ZNF276: variants seen among roughly 807,000 people sequenced by gnomAD.
ZNF276 encodes the protein centromere protein Z.
A neutral mutation model predicts 63.9 loss-of-function variants in ZNF276; 59 were observed. The observed-to-expected ratio is 0.92, with a 90% CI of 0.75 to 1.15. The LOEUF is 1.15. ZNF276 is among the 50% of genes most tolerant of loss of function. ZNF276 has a pLI of 0.00. For synonymous variants in ZNF276, 496 were observed against 348.4 expected (o/e 1.42, Z -4.72); for missense variants, 1,084 against 843.8 (o/e 1.28, Z -3.53).
Position 89,740,107 on chromosome 16 carries a change from C to T in ZNF276, c.*1861C>T, listed in dbSNP as rs1272324196. Reference sequence around the variant, plus strand: ...TGGCAGGTCTGTGGTGCTCTGTAAACCGCAGGAGACCAACCCTGAGAATGG... The same window carrying T: ...TGGCAGGTCTGTGGTGCTCTGTAAATCGCAGGAGACCAACCCTGAGAATGG... On this transcript the variant is annotated 3_prime_UTR_variant, in exon 11 of 11. Transcript: ENST00000443381. 1 of 1,612,832 alleles carries T rather than the reference C, an allele frequency of 6.2e-7. No homozygotes were observed. The highest frequency in any genetic ancestry group is 1.7e-5 in the Admixed American group (1 of 60,030).
upstream of ZNF276, chr16:89,720,644 C>A (rs1023615610): frequency 2.6e-4 from 324 of 1,230,186 alleles, 1 homozygote; most frequent in Admixed American, 1.1e-3. Flanking sequence ...GCCCGGGATC[C>A]CGGCTGGCGC....
chr16:89,723,306 G>C lies in ZNF276; in HGVS notation c.603G>C (p.Gly201=), dbSNP rs2061366449. Residue 201 remains glycine (G), a synonymous_variant, in exon 4 of 11, where the codon GGG becomes GGC. Transcript: ENST00000443381. ...CCCAGTGCCTGCACGGCTTGGTGGGGTGGGTGCATGGACATGCGGCCAGCT... is the reference window on the plus strand; with the variant it reads ...CCCAGTGCCTGCACGGCTTGGTGGGCTGGGTGCATGGACATGCGGCCAGCT... ...SSPQCLHGLV[G]WVHGHAASCG... 1 of 1,613,056 alleles carries C rather than the reference G, an allele frequency of 6.2e-7. No individual in the cohort carries two copies. Among genetic ancestry groups the C allele is most frequent in the Non-Finnish European group, 8.5e-7 (1 of 1,180,010 alleles).
At position 89,739,205 on chromosome 16, in the gene ZNF276, G is replaced by A. The variant is rs961489297; in HGVS notation, c.*959G>A. The A allele has an allele frequency of 5.0e-6, 8 of 1,614,036 alleles. No homozygotes were observed. The highest frequency in any genetic ancestry group is 6.8e-6 in the Non-Finnish European group (8 of 1,180,052). Reference sequence around the variant, plus strand: ...TTGTATCCCCAGCCACGAAGAGCTGGACCAGCTTCAAGTACATGTCCACAG... The same window carrying A: ...TTGTATCCCCAGCCACGAAGAGCTGAACCAGCTTCAAGTACATGTCCACAG... On this transcript the variant is annotated 3_prime_UTR_variant, in exon 11 of 11. Transcript: ENST00000443381.
intron 9 of ZNF276, among the ~76,000 whole-genome samples, chr16:89,736,571 C>G (rs1240593379): frequency 3.8e-5 from 2 of 52,202 alleles, no homozygotes; most frequent in Non-Finnish European, 6.0e-5. Flanking sequence ...CATGATCCGC[C>G]TGCCTTGGCC....
At chr16:89,734,691 C>T (rs1466235157) in intron 9 of ZNF276, among the ~76,000 whole-genome samples, 1 of 152,134 alleles carries the variant, frequency 6.6e-6, no homozygotes, top group African/African-American at 2.4e-5. Flanking sequence ...CCCACGTGGA[C>T]AGGCGGGAGG....
At chr16:89,736,878 C>G (rs2003522) in intron 9 of ZNF276, among the ~76,000 whole-genome samples, 61,233 of 149,480 alleles carry the variant, frequency 0.41, 13,872 homozygotes, top group East Asian at 0.75. Context: ...GCACTCCAGC[C>G]TGGGCAACAG....
intron 6 of ZNF276, among the ~76,000 whole-genome samples, chr16:89,730,845 T>C (rs1048961950): frequency 1.3e-5 from 2 of 152,220 alleles, no homozygotes; most frequent in Non-Finnish European, 2.9e-5. Flanking sequence ...CTTGGAGTTC[T>C]AGCGGGCGTG....
At position 89,739,743 on chromosome 16, in the gene ZNF276, T is replaced by G; in HGVS notation, c.*1497T>G. ...GGGAGAGGATGGGGGGGTCGACCTC[T>G]TGCAGGAGGGTGGGTGTGGTGCAGA... On this transcript the variant is annotated 3_prime_UTR_variant, in exon 11 of 11. Transcript: ENST00000443381. 6.7e-7 allele frequency: 1 copy of G among 1,490,758 alleles called. No homozygotes were observed. The highest frequency in any genetic ancestry group is 1.3e-5 in the South Asian group (1 of 75,506). 92.3% of individuals were successfully genotyped at this position (1,490,758 alleles called of 1,614,324 possible).
At position 89,729,299 on chromosome 16, in the gene ZNF276, G is replaced by C; in HGVS notation, c.1150G>C (p.Glu384Gln). ...TGCCCAGTCTTCGGACGAGTCCTTT[G>C]AGCCTTACCCAGAAAGGAAGTAAGT... ...QNAQSSDESF[E>Q]PYPERKVSGK... Residue 384 changes from glutamate (E) to glutamine (Q), a missense_variant, in exon 6 of 11, where the codon GAG becomes CAG. Physicochemically the swap from Glu to Gln is conservative, Grantham distance 29. Coordinates refer to ENST00000443381, the MANE Select transcript of ZNF276 (RefSeq NM_001113525.2). 2 of 1,614,112 alleles carry C rather than the reference G, an allele frequency of 1.2e-6. No homozygotes were observed. The highest frequency in any genetic ancestry group is 1.7e-5 in the Admixed American group (1 of 60,014).
chr16:89,739,195 C>T lies in ZNF276; in HGVS notation c.*949C>T, dbSNP rs201225325. 38 of 1,614,054 alleles carry T rather than the reference C, an allele frequency of 2.4e-5. No individual in the cohort carries two copies. Among genetic ancestry groups the T allele is most frequent in the African/African-American group, 5.3e-5 (4 of 74,948 alleles). Reference sequence around the variant, plus strand: ...GAAACTGTGCTTGTATCCCCAGCCACGAAGAGCTGGACCAGCTTCAAGTAC... The same window carrying T: ...GAAACTGTGCTTGTATCCCCAGCCATGAAGAGCTGGACCAGCTTCAAGTAC... On this transcript the variant is annotated 3_prime_UTR_variant, in exon 11 of 11. Coordinates refer to ENST00000443381, the MANE Select transcript of ZNF276 (RefSeq NM_001113525.2).
At chr16:89,729,849 G>T (rs1019437258) in intron 6 of ZNF276, among the ~76,000 whole-genome samples, 2 of 152,130 alleles carry the variant, frequency 1.3e-5, no homozygotes, top group Admixed American at 1.3e-4. Flanking sequence ...TTTGTTTTTA[G>T]GGATTTTTAT....
At chr16:89,731,174 G>A (rs1169510495) in intron 6 of ZNF276, among the ~76,000 whole-genome samples, 1 of 152,246 alleles carries the variant, frequency 6.6e-6, no homozygotes, top group Non-Finnish European at 1.5e-5. Context: ...AGGGGGACAT[G>A]TGGCTAGGTC....
In ZNF276 at chr16:89,738,626, A is replaced by G. The variant is rs1223154937; in HGVS notation, c.*380A>G. 4 of 1,613,720 alleles carry G rather than the reference A, an allele frequency of 2.5e-6. No individual in the cohort carries two copies. The South Asian group carries it at 4.4e-5, about 18-fold the overall frequency. ...TCAGAAGAGATGAGGCTCCTGGGAC[A>G]GGTCAGCGTCAGGGGCAGCCTGCTG... On this transcript the variant is annotated 3_prime_UTR_variant, in exon 11 of 11. Coordinates refer to ENST00000443381, the MANE Select transcript of ZNF276 (RefSeq NM_001113525.2).
Position 89,724,954 on chromosome 16 carries a change from A to G in ZNF276, c.1006+1245A>G, listed in dbSNP as rs78630177. Among the ~76,000 whole-genome samples the G allele has an allele frequency of 1.1e-3, 174 of 151,960 alleles. 1 individual carries two copies. In the East Asian group the frequency reaches 0.024, roughly 21 times the overall value. The stretch of plus-strand genomic sequence containing the variant: ...TACTTATCTATCTATCTATGTGTTT[A>G]TTTATTTTTGAGACAGAGTCTCGTT... On this transcript the variant is annotated intron_variant, in intron 4 of 10. Coordinates refer to ENST00000443381, the MANE Select transcript of ZNF276 (RefSeq NM_001113525.2).
At chr16:89,729,638 C>T (rs1384290129) in intron 6 of ZNF276, among the ~76,000 whole-genome samples, 1 of 152,130 alleles carries the variant, frequency 6.6e-6, no homozygotes, top group African/African-American at 2.4e-5. Context: ...CTCTTACGTC[C>T]CTTCTGCCGG....
Position 89,738,889 on chromosome 16 carries a change from A to G in ZNF276, c.*643A>G. On this transcript the variant is annotated 3_prime_UTR_variant, in exon 11 of 11. Coordinates refer to ENST00000443381, the MANE Select transcript of ZNF276 (RefSeq NM_001113525.2). ...TGGGCATCTTGACGTTACCTCTGCC[A>G]CGTGTGAGAAGCTCTTTTTCGGGCA... 1 of 1,614,260 alleles carries G rather than the reference A, an allele frequency of 6.2e-7. No individual in the cohort carries two copies. The highest frequency in any genetic ancestry group is 8.5e-7 in the Non-Finnish European group (1 of 1,180,048).
At chr16:89,729,916 C>A (rs1205472944) in intron 6 of ZNF276, among the ~76,000 whole-genome samples, 5 of 152,184 alleles carry the variant, frequency 3.3e-5, no homozygotes, top group Non-Finnish European at 7.3e-5. Flanking sequence ...TTCACTTGTG[C>A]TGTTTTCTTT....
At chr16:89,737,612 C>A in intron 9 of ZNF276, 194 bp from the exon 10 acceptor site, 1 of 1,064,744 alleles carries the variant, frequency 9.4e-7, no homozygotes, top group Non-Finnish European at 1.3e-6. Flanking sequence ...GCTGATGAAG[C>A]CACGTGACAG....
chr16:89,735,177 A>G, intron 9 of ZNF276, among the ~76,000 whole-genome samples: 1 of 151,700 alleles, frequency 6.6e-6, no homozygotes, highest in South Asian at 2.1e-4. Flanking sequence ...ATCCATGGTC[A>G]GGGACTCGAA....
Sources: allele counts gnomAD v4.1 joint callset (sites outside exome capture counted in the v4.1 genomes callset), GRCh38; gene constraint gnomAD v4.1.1; transcripts MANE v1.5; gene names NCBI Gene and HGNC (gene_info 2026-07-23, HGNC 2026-07-21).